Variants in PCYOX1 observed in about 807,000 individuals in gnomAD.
PCYOX1 encodes prenylcysteine oxidase 1, also known as prenylcysteine lyase.
PCYOX1 carries 46 observed loss-of-function variants against 46.4 expected under a neutral mutation model. That is an observed-to-expected ratio of 0.99 (90% CI 0.78 to 1.27). The LOEUF is 1.27. PCYOX1 is among the 50% of genes most tolerant of loss of function. PCYOX1 has a pLI of 0.00. For synonymous variants in PCYOX1, 220 were observed against 231.8 expected (o/e 0.95, Z 0.46); for missense variants, 658 against 628.3 (o/e 1.05, Z -0.51).
intron 1 of PCYOX1, chr2:70,258,526 GC>G: frequency 2.8e-6 from 1 of 358,446 alleles, no homozygotes; most frequent in Non-Finnish European, 5.0e-6. Flanking sequence ...ACAGGGGCGG[GC>G]GGGCAGGCAG....
intron 3 of PCYOX1, among the ~76,000 whole-genome samples, chr2:70,262,476 A>G (rs2104889865): frequency 6.9e-6 from 1 of 144,352 alleles, no homozygotes; most frequent in East Asian, 2.0e-4. Context: ...GGCATGTGCT[A>G]ATTTTTTTTT....
chr2:70,274,573 T>C (rs1315379088), intron 3 of PCYOX1, among the ~76,000 whole-genome samples: 7 of 149,634 alleles, frequency 4.7e-5, no homozygotes, highest in Admixed American at 2.7e-4. Flanking sequence ...TTTTTCTTTT[T>C]TTTTTTTTAA....
rs1696653075 is a variant in PCYOX1, at chr2:70,275,173, A to G, written c.706+3A>G. The G allele has an allele frequency of 6.2e-7, 1 of 1,609,500 alleles. No homozygotes were observed. The highest frequency in any genetic ancestry group is 8.5e-7 in the Non-Finnish European group (1 of 1,175,784). The stretch of plus-strand genomic sequence containing the variant: ...CACGGACATCAATGCCTTTGTGGGT[A>G]AGCCAGGGCTTGAAACAGTGGTGGA... On this transcript the variant is annotated splice_donor_region_variant and intron_variant, in intron 4 of 5. Coordinates refer to ENST00000433351, the MANE Select transcript of PCYOX1 (RefSeq NM_016297.4).
chr2:70,264,871 G>A (rs1370162984), intron 3 of PCYOX1, among the ~76,000 whole-genome samples: 1 of 151,856 alleles, frequency 6.6e-6, no homozygotes, highest in African/African-American at 2.4e-5. Context: ...AAATTAGCTG[G>A]GTGTGGAGGC....
chr2:70,260,008 G>A (rs762719002), intron 2 of PCYOX1, among the ~76,000 whole-genome samples: 33 of 152,120 alleles, frequency 2.2e-4, no homozygotes, highest in Non-Finnish European at 4.6e-4. Flanking sequence ...TAGTGACGGG[G>A]TTTCACCATG....
chr2:70,258,673 A>C (rs1255364854), intron 1 of PCYOX1, among the ~76,000 whole-genome samples: 1 of 152,202 alleles, frequency 6.6e-6, no homozygotes, highest in Non-Finnish European at 1.5e-5. Flanking sequence ...GGCCAGATTA[A>C]CAGGCTCACG....
chr2:70,271,096 C>T (rs1696594557), intron 3 of PCYOX1, among the ~76,000 whole-genome samples: 2 of 152,004 alleles, frequency 1.3e-5, no homozygotes, highest in Admixed American at 1.3e-4. Context: ...CAAGGTCTCA[C>T]TCTGTTGCCC....
At position 70,274,379 on chromosome 2, in the gene PCYOX1, G is replaced by A. The variant is rs539404558; in HGVS notation, c.495-580G>A. ...GGCCCAGCTAATTTTTGTATTTTTA[G>A]TAGAGACGGGGTTTCACCATGTTGG... is the stretch of plus-strand genomic sequence containing the variant. On this transcript the variant is annotated intron_variant, in intron 3 of 5. Coordinates refer to ENST00000433351, the MANE Select transcript of PCYOX1 (RefSeq NM_016297.4). Among the ~76,000 whole-genome samples, 46 of 151,528 alleles carry A rather than the reference G, an allele frequency of 3.0e-4. No homozygotes were observed. The South Asian group carries it at 9.3e-3, about 31-fold the overall frequency.
At chr2:70,271,661 A>G (rs1043187329) in intron 3 of PCYOX1, among the ~76,000 whole-genome samples, 1 of 151,974 alleles carries the variant, frequency 6.6e-6, no homozygotes, top group African/African-American at 2.4e-5. Flanking sequence ...CTTTGTACTC[A>G]CCTTCTCTCA....
Position 70,277,389 on chromosome 2 carries a change from A to G in PCYOX1, c.1515A>G (p.Leu505=). 1.9e-6 allele frequency: 3 copies of G among 1,585,452 alleles called. No homozygotes were observed. Among genetic ancestry groups the G allele is most frequent in the Non-Finnish European group, 1.7e-6 (2 of 1,160,092 alleles). The change falls in exon 6 of 6, where the codon CTA becomes CTG. Residue 505 remains leucine (L), a synonymous_variant. Coordinates refer to ENST00000433351, the MANE Select transcript of PCYOX1 (RefSeq NM_016297.4). ...TATATGAGAAACTTAAAACTGAACT[A>G]TGAAGTGACACACTCCTTTTTCCCC... ...DGLYEKLKTE[L] is the part of the protein sequence containing the mutation.
At chr2:70,258,418 C>A in intron 1 of PCYOX1, 142 bp downstream of exon 1, 1 of 518,134 alleles carries the variant, frequency 1.9e-6, no homozygotes, top group South Asian at 2.2e-5. Context: ...CGCTTTCCCC[C>A]ATTCACACTT....
intron 1 of PCYOX1, 100 bp from the exon 2 acceptor site, chr2:70,259,260 T>G: frequency 9.3e-7 from 1 of 1,080,182 alleles, no homozygotes; most frequent in South Asian, 1.4e-5. Context: ...GGTAATAGCT[T>G]TGAGTAACAA....
chr2:70,274,848 G>T (rs1696647254), intron 3 of PCYOX1, 111 bp from the exon 4 acceptor site: 2 of 736,652 alleles, frequency 2.7e-6, no homozygotes, highest in South Asian at 3.2e-5. Flanking sequence ...ATAGGCGTGA[G>T]CCACTGCACC....
Position 70,276,715 on chromosome 2 carries a change from G to T in PCYOX1, c.860-19G>T, listed in dbSNP as rs1188445666. ...TGTTAGAAACACTAAACAAATATAT[G>T]CCTCCTTATTTCCTCTAGGAAATCC... On this transcript the variant is annotated intron_variant, in intron 5 of 5. Coordinates refer to ENST00000433351, the MANE Select transcript of PCYOX1 (RefSeq NM_016297.4). 3 of 1,441,176 alleles carry T rather than the reference G, an allele frequency of 2.1e-6. No individual in the cohort carries two copies. Among genetic ancestry groups the T allele is most frequent in the Non-Finnish European group, 2.8e-6 (3 of 1,055,920 alleles). 89.3% of individuals were successfully genotyped at this position (1,441,176 alleles called of 1,614,324 possible).
At chr2:70,265,198 ATTTTTTTTTTTTT>A (rs397871875) in intron 3 of PCYOX1, among the ~76,000 whole-genome samples, 1 of 104,108 alleles carries the variant, frequency 9.6e-6, no homozygotes, top group Admixed American at 1.1e-4. Context: ...TTCTTAACTA[ATTTTTTTTTTTTT>A]TTTTTTTTTG....
intron 5 of PCYOX1, 125 bp downstream of exon 5, chr2:70,275,791 G>A (rs1039594355): frequency 2.0e-5 from 19 of 948,436 alleles, no homozygotes; most frequent in Middle Eastern, 3.2e-4. Flanking sequence ...TGTATATATT[G>A]TACCATATAG....
chr2:70,267,655 GGC>G (rs890841562), intron 3 of PCYOX1, among the ~76,000 whole-genome samples: 32 of 152,220 alleles, frequency 2.1e-4, no homozygotes, highest in African/African-American at 7.5e-4. Flanking sequence ...CAGGCGTGGC[GGC>G]GCGCGCCTGC....
In PCYOX1 at chr2:70,281,063, T is replaced by G. The variant is rs1696767505; in HGVS notation, c.*3671T>G. 6.6e-6 allele frequency: 1 copy of G among 152,238 alleles called. No individual in the cohort carries two copies. The highest frequency in any genetic ancestry group is 1.5e-5 in the Non-Finnish European group (1 of 68,068). The allele number at this position is 152,238 out of a possible 1,614,324, so 9.4% of individuals were successfully genotyped here. A position where few individuals can be genotyped will look rare whatever the true frequency, so the allele number is the denominator to read the frequency against. On this transcript the variant is annotated 3_prime_UTR_variant, in exon 6 of 6. Transcript: ENST00000433351. ...GTGGACAGCATCCTCACTACCCCTC[T>G]CTACTCACTCACAAAGAACCATGAT...
chr2:70,259,681 A>G, intron 2 of PCYOX1, 115 bp downstream of exon 2: 4 of 793,310 alleles, frequency 5.0e-6, no homozygotes, highest in Non-Finnish European at 8.4e-6. Flanking sequence ...AGACGTTGGT[A>G]AAACTGTTTT....
Sources: allele counts gnomAD v4.1 joint callset (sites outside exome capture counted in the v4.1 genomes callset), GRCh38; gene constraint gnomAD v4.1.1; transcripts MANE v1.5; gene names NCBI Gene and HGNC (gene_info 2026-07-23, HGNC 2026-07-21).